Variants in NSD1 observed in about 807,000 individuals in gnomAD.
NSD1 encodes the protein nuclear receptor binding SET domain protein 1.
In NSD1, 26 loss-of-function variants were observed where a neutral mutation model predicts 242.7. The observed-to-expected ratio is 0.11, with a 90% CI of 0.08 to 0.15. The LOEUF (loss-of-function observed/expected upper bound fraction) is 0.15. NSD1 is among the 10% of genes least tolerant of loss of function. The pLI, the probability that NSD1 is intolerant of heterozygous loss-of-function variation, is 1.00. For synonymous variants in NSD1, 1,106 were observed against 1,178.1 expected, an observed-to-expected ratio of 0.94 and a Z score of 1.25; for missense variants, 2,495 against 3,272.8, an observed-to-expected ratio of 0.76 and a Z score of 5.80.
rs1177151648 is a variant in NSD1, at chr5:177,239,743, A to G, written c.4193-13A>G. 6.9e-7 allele frequency: 1 copy of G among 1,455,510 alleles called. No individual in the cohort carries two copies. The highest frequency in any genetic ancestry group is 9.6e-7 in the Non-Finnish European group (1 of 1,036,538). 90.2% of individuals were successfully genotyped at this position (1,455,510 alleles called of 1,614,324 possible). ...TTTCTAAATCATCTAATGTAAAGAT[A>G]CATGCATTTCAGGAAATTATGAAAG... On this transcript the variant is annotated splice_polypyrimidine_tract_variant and intron_variant, in intron 7 of 22. Transcript: ENST00000439151.
At chr5:177,286,882 C>T (rs563013248) in intron 20 of NSD1, among the ~76,000 whole-genome samples, 3 of 152,312 alleles carry the variant, frequency 2.0e-5, no homozygotes, top group African/African-American at 7.2e-5. Context: ...TTCTCAGACT[C>T]TTCCTCTCCT....
chr5:177,277,873 G>A (rs1441230438), intron 17 of NSD1, among the ~76,000 whole-genome samples: 1 of 152,196 alleles, frequency 6.6e-6, no homozygotes, highest in Non-Finnish European at 1.5e-5. Flanking sequence ...TATTTGTAGA[G>A]AGAAAAGAAG....
At chr5:177,227,687 C>T (rs186504667) in intron 5 of NSD1, among the ~76,000 whole-genome samples, 9 of 152,218 alleles carry the variant, frequency 5.9e-5, no homozygotes, top group Non-Finnish European at 2.9e-5. Flanking sequence ...TGATCCCGCT[C>T]GCCTTGGCCT....
intron 2 of NSD1, among the ~76,000 whole-genome samples, chr5:177,147,153 T>A (rs915815806): frequency 6.6e-6 from 1 of 152,196 alleles, no homozygotes; most frequent in Non-Finnish European, 1.5e-5. Context: ...CCGCCCAGGC[T>A]GGAGTGCAGT....
chr5:177,133,143 C>T (rs978340921), upstream of NSD1: 3 of 152,502 alleles, frequency 2.0e-5, no homozygotes, highest in Non-Finnish European at 4.4e-5. The surrounding 1 kb of genome is among the most constrained non-coding windows in gnomAD (Gnocchi z 6.2). Flanking sequence ...AGACCCCAGC[C>T]CAAGCCCCCA....
At chr5:177,176,811 C>T (rs1048847935) in intron 2 of NSD1, among the ~76,000 whole-genome samples, 8 of 152,052 alleles carry the variant, frequency 5.3e-5, no homozygotes, top group African/African-American at 1.7e-4. Context: ...TTCTTTAGCT[C>T]GAGGGTGTAG....
At chr5:177,178,320 G>A (rs1562160682) in intron 2 of NSD1, among the ~76,000 whole-genome samples, 4 of 152,042 alleles carry the variant, frequency 2.6e-5, no homozygotes. Context: ...TCCGCCTCCC[G>A]GGTTCAAGTG....
At chr5:177,174,634 C>T (rs1396437495) in intron 2 of NSD1, among the ~76,000 whole-genome samples, 1 of 151,782 alleles carries the variant, frequency 6.6e-6, no homozygotes, top group Non-Finnish European at 1.5e-5. Context: ...TCTTGGCTCA[C>T]TGCAACCCCT....
At chr5:177,224,433 A>T (rs1381020549) in intron 5 of NSD1, among the ~76,000 whole-genome samples, 4 of 151,974 alleles carry the variant, frequency 2.6e-5, no homozygotes, top group Non-Finnish European at 4.4e-5. Flanking sequence ...TTTATAAATG[A>T]ATTTGTTTTT....
intron 12 of NSD1, among the ~76,000 whole-genome samples, chr5:177,252,742 AG>A (rs1756096703): frequency 6.7e-6 from 1 of 149,900 alleles, no homozygotes; most frequent in South Asian, 2.1e-4. Flanking sequence ...TTGTTGAGAA[AG>A]GGGGTCTTAC....
Position 177,140,056 on chromosome 5 carries a change from G to GT in NSD1, c.927+4027dup, listed in dbSNP as rs577843035. 2.0e-5 allele frequency among the ~76,000 whole-genome samples: 3 copies of GT among 152,238 alleles called. No homozygotes were observed. The South Asian group carries it at 6.2e-4, about 32-fold the overall frequency. On this transcript the variant is annotated intron_variant, in intron 2 of 22. Transcript: ENST00000439151. ...AGGGTCATATTTTCTGTTATTTTGT[G>GT]TATCTACCTCTAAGTGGACTGTTTG... is the stretch of plus-strand genomic sequence containing the variant.
rs548022353 is a variant in NSD1, at chr5:177,269,480, G to A, written c.5304-122G>A. ...GTTCTAGTTAGGTTGTAAGAATGCC[G>A]TAAGATGGACTTTAATGTGGACAGA... On this transcript the variant is annotated intron_variant, in intron 15 of 22. Transcript: ENST00000439151. This position sits in a 1 kb window ranked among gnomAD's most constrained non-coding sequence, Gnocchi z 5.1. 288 of 866,472 alleles carry A rather than the reference G, an allele frequency of 3.3e-4. No homozygotes were observed. Among genetic ancestry groups the A allele is most frequent in the Admixed American group, 9.0e-4 (45 of 50,202 alleles). The allele number at this position is 866,472 out of a possible 1,614,324, so 53.7% of individuals were successfully genotyped here. A position where few individuals can be genotyped will look rare whatever the true frequency, so the allele number is the denominator to read the frequency against.
chr5:177,190,623 T>G (rs1761584774), intron 2 of NSD1, among the ~76,000 whole-genome samples: 2 of 151,546 alleles, frequency 1.3e-5, no homozygotes, highest in Admixed American at 1.3e-4. Context: ...TAAGATGTAG[T>G]TCTTGTTTCA....
chr5:177,229,783 A>C (rs527826356), intron 5 of NSD1: 5 of 400,036 alleles, frequency 1.2e-5, no homozygotes, highest in African/African-American at 8.7e-5. Context: ...TTGCTCTGTC[A>C]CCCAGGCTGG....
intron 14 of NSD1, chr5:177,266,505 G>T (rs1431641561): frequency 4.8e-6 from 3 of 625,250 alleles, no homozygotes; most frequent in Non-Finnish European, 8.7e-6. Flanking sequence ...TGGACGTCAT[G>T]CCCTCGACGT....
At chr5:177,155,469 G>T (rs987935885) in intron 2 of NSD1, among the ~76,000 whole-genome samples, 2 of 151,312 alleles carry the variant, frequency 1.3e-5, no homozygotes, top group African/African-American at 4.9e-5. Context: ...TCACCATGTC[G>T]GCTAAGCTGG....
Position 177,292,081 on chromosome 5 carries a change from A to T in NSD1, c.6386A>T (p.Gln2129Leu), listed in dbSNP as rs1562305730. The change falls in exon 22 of 23, where the codon CAG (glutamine) becomes CTG (leucine). Residue 2129 changes from glutamine to leucine, a missense_variant. Physicochemically the swap from Gln to Leu is moderately radical, Grantham distance 113. This residue lies in a region of NSD1 where 33 missense variants were observed against 134.8 expected (regional missense o/e 0.24). Transcript: ENST00000439151. ...DECFSCGDAG[Q>L]LVSCKKPGCP... is the part of the protein sequence containing the mutation. Reference sequence around the variant, plus strand: ...TGTTTTAGTTGTGGGGATGCTGGCCAGCTCGTCTCCTGCAAGAAACCAGGC... The same window carrying T: ...TGTTTTAGTTGTGGGGATGCTGGCCTGCTCGTCTCCTGCAAGAAACCAGGC... The T allele has an allele frequency of 6.2e-7, 1 of 1,614,218 alleles. No homozygotes were observed. The highest frequency in any genetic ancestry group is 8.5e-7 in the Non-Finnish European group (1 of 1,180,038).
chr5:177,242,066 A>G (rs1241451467), intron 8 of NSD1, among the ~76,000 whole-genome samples: 1 of 151,988 alleles, frequency 6.6e-6, no homozygotes, highest in Non-Finnish European at 1.5e-5. Flanking sequence ...TTCATATGGT[A>G]TGATTGTTGT....
intron 2 of NSD1, among the ~76,000 whole-genome samples, chr5:177,157,879 CTTGT>C (rs989973568): frequency 1.3e-5 from 2 of 152,150 alleles, no homozygotes; most frequent in African/African-American, 4.8e-5. Context: ...TCGTGTCTGA[CTTGT>C]TTAACTTAGC....
Sources: allele counts gnomAD v4.1 joint callset (sites outside exome capture counted in the v4.1 genomes callset), GRCh38; gene constraint gnomAD v4.1.1; regional missense constraint gnomAD v4.1.1; non-coding constraint Gnocchi (gnomAD v3.1); transcripts MANE v1.5; gene names NCBI Gene and HGNC (gene_info 2026-07-23, HGNC 2026-07-21).